The following PLXNA4 variants were observed in gnomAD, a reference collection of about 807,000 sequenced individuals.
PLXNA4 encodes the protein plexin-A4.
In PLXNA4, 44 loss-of-function variants were observed where a neutral mutation model predicts 191.8. The observed-to-expected ratio is 0.23, with a 90% CI of 0.18 to 0.29. The LOEUF is 0.29. Among genes scored for constraint, PLXNA4 ranks in the 10% least tolerant of loss-of-function variants. The pLI, the probability that PLXNA4 is intolerant of heterozygous loss-of-function variation, is 1.00. For missense variants in PLXNA4, 1,800 were observed against 2,488.8 expected, an observed-to-expected ratio of 0.72 and a Z score of 5.89; for synonymous variants, 1,082 against 1,009.5, an observed-to-expected ratio of 1.07 and a Z score of -1.36.
chr7:132,375,023 G>A (rs1166001540), intron 3 of PLXNA4, among the ~76,000 whole-genome samples: 5 of 152,200 alleles, frequency 3.3e-5, no homozygotes, highest in Non-Finnish European at 7.3e-5. Flanking sequence ...GGCTGTCCCC[G>A]CCCTCTGCAT....
rs369077376 is a variant in PLXNA4, at chr7:132,303,125, G to A, written c.1372-4903C>T. ...CTCGACCTCGTGATCTGCCCGCCTC[G>A]GCCTCCCAAAGTGCTGGGATTACAG... On this transcript the variant is annotated intron_variant, in intron 3 of 31. Coordinates refer to ENST00000321063, the MANE Select transcript of PLXNA4 (RefSeq NM_020911.2). Among the ~76,000 whole-genome samples, 312 of 151,722 alleles carry A rather than the reference G, an allele frequency of 2.1e-3. 1 individual carries two copies. The highest frequency in any genetic ancestry group is 6.8e-3 in the African/African-American group (283 of 41,408).
At chr7:132,639,104 G>A (rs1438503689) in intron 2 of PLXNA4, among the ~76,000 whole-genome samples, 1 of 152,184 alleles carries the variant, frequency 6.6e-6, no homozygotes, top group Non-Finnish European at 1.5e-5. Context: ...AGGATGGACT[G>A]AGAACACCCA....
chr7:132,499,524 C>T (rs903753809), intron 2 of PLXNA4, among the ~76,000 whole-genome samples: 3 of 152,196 alleles, frequency 2.0e-5, no homozygotes, highest in African/African-American at 7.2e-5. Context: ...AATCCCATGC[C>T]ACCAGTCCAT....
chr7:132,304,383 G>A (rs1321726870), intron 3 of PLXNA4, among the ~76,000 whole-genome samples: 3 of 152,084 alleles, frequency 2.0e-5, no homozygotes, highest in East Asian at 3.9e-4. Context: ...GGTCACATAC[G>A]TTATTTAAAA....
At chr7:132,178,532 C>G (rs1307675435) in intron 20 of PLXNA4, among the ~76,000 whole-genome samples, 1 of 152,224 alleles carries the variant, frequency 6.6e-6, no homozygotes, top group Non-Finnish European at 1.5e-5. Flanking sequence ...GGCAAGGAGA[C>G]CTTGGCCTCT....
intron 2 of PLXNA4, among the ~76,000 whole-genome samples, chr7:132,618,906 G>A (rs557439844): frequency 2.0e-5 from 3 of 152,144 alleles, no homozygotes; most frequent in Admixed American, 6.5e-5. Context: ...TGAGAGAAGT[G>A]GACAGGAAAG....
At chr7:132,564,326 CT>C (rs1235686654) in intron 1 of PLXNA4, among the ~76,000 whole-genome samples, 17 of 147,566 alleles carry the variant, frequency 1.2e-4, no homozygotes, top group Non-Finnish European at 1.7e-4. Flanking sequence ...CCTCCTCCTT[CT>C]CCTTCTGCTG....
intron 28 of PLXNA4, 133 bp from the exon 29 acceptor site, chr7:132,145,421 T>C: frequency 1.6e-6 from 2 of 1,224,618 alleles, no homozygotes; most frequent in Middle Eastern, 2.2e-4. Context: ...ATTGGGTAAG[T>C]CCATGCATTA....
chr7:132,163,172 G>C (rs1201757017), intron 24 of PLXNA4, among the ~76,000 whole-genome samples: 1 of 152,234 alleles, frequency 6.6e-6, no homozygotes, highest in African/African-American at 2.4e-5. Context: ...AGAGAAAAAG[G>C]GCTGGTTGGA....
Position 132,456,441 on chromosome 7 carries a change from G to A in PLXNA4, c.1371+32851C>T, listed in dbSNP as rs183806262. ...GTTCTCTTTTTATAAGGCCAAGAGC[G>A]TGCTCTGAACTTCCATCTCAACCAA... On this transcript the variant is annotated intron_variant, in intron 3 of 31. Transcript: ENST00000321063. Among the ~76,000 whole-genome samples the A allele has an allele frequency of 4.1e-4, 63 of 152,228 alleles. 2 individuals are homozygous for A. Among genetic ancestry groups the A allele is most frequent in the East Asian group, 1.9e-3 (10 of 5,176 alleles).
chr7:132,222,869 A>T (rs1584865698), intron 9 of PLXNA4, among the ~76,000 whole-genome samples: 1 of 152,284 alleles, frequency 6.6e-6, no homozygotes, highest in South Asian at 2.1e-4. Flanking sequence ...ACAGTATCTC[A>T]GCGATTCTTC....
intron 3 of PLXNA4, among the ~76,000 whole-genome samples, chr7:132,471,424 C>T (rs908718140): frequency 5.9e-5 from 9 of 152,162 alleles, no homozygotes; most frequent in Non-Finnish European, 7.3e-5. Flanking sequence ...ATACACTGCC[C>T]GTTCCTGGTG....
chr7:132,195,614 T>C (rs1214821881), intron 13 of PLXNA4, among the ~76,000 whole-genome samples: 1 of 152,190 alleles, frequency 6.6e-6, no homozygotes, highest in East Asian at 1.9e-4. Flanking sequence ...CTTTTAAGGT[T>C]TTTCCAATAT....
chr7:132,535,829 A>AGGCAC (rs1799809199), intron 1 of PLXNA4, among the ~76,000 whole-genome samples: 1 of 152,202 alleles, frequency 6.6e-6, no homozygotes, highest in African/African-American at 2.4e-5. Flanking sequence ...GCCACAGGCC[A>AGGCAC]GGCACGTGGC....
intron 4 of PLXNA4, among the ~76,000 whole-genome samples, chr7:132,244,599 T>G (rs1455065580): frequency 6.6e-6 from 1 of 152,174 alleles, no homozygotes; most frequent in African/African-American, 2.4e-5. Context: ...AGGTTACCAT[T>G]ATTTGAGAGC....
At position 132,330,619 on chromosome 7, in the gene PLXNA4, A is replaced by G. The variant is rs1246501899; in HGVS notation, c.1372-32397T>C. On this transcript the variant is annotated intron_variant, in intron 3 of 31. Transcript: ENST00000321063. ...CTGCCCAGGCCCCAACTGTGTCTGC[A>G]TCTGGCTGTAGGAGGGGAGTGGCCC... Among the ~76,000 whole-genome samples, 3 of 152,360 alleles carry G rather than the reference A, an allele frequency of 2.0e-5. No homozygotes were observed. In the East Asian group the frequency reaches 5.8e-4, roughly 29 times the overall value.
intron 1 of PLXNA4, among the ~76,000 whole-genome samples, chr7:132,563,254 CTCCTT>C (rs1801423263): frequency 8.4e-6 from 1 of 119,398 alleles, no homozygotes; most frequent in East Asian, 2.9e-4. Flanking sequence ...CCTTCTCCTA[CTCCTT>C]CTCCTCTTCA....
intron 3 of PLXNA4, among the ~76,000 whole-genome samples, chr7:132,466,957 C>A (rs1796730049): frequency 1.3e-5 from 2 of 152,134 alleles, no homozygotes; most frequent in South Asian, 4.1e-4. Context: ...TGTTTTCTAA[C>A]CTCTTAGAGA....
intron 24 of PLXNA4, 140 bp downstream of exon 24, chr7:132,164,002 G>C (rs927029343): frequency 1.5e-6 from 2 of 1,356,286 alleles, no homozygotes; most frequent in Non-Finnish European, 1.0e-6. Flanking sequence ...CACAGCGGGA[G>C]CACCTGGCTG....
Sources: allele counts gnomAD v4.1 joint callset (sites outside exome capture counted in the v4.1 genomes callset), GRCh38; gene constraint gnomAD v4.1.1; transcripts MANE v1.5; gene names NCBI Gene and HGNC (gene_info 2026-07-23, HGNC 2026-07-21).